Variants in PPFIBP1 observed in about 807,000 individuals in gnomAD.
The protein encoded by PPFIBP1 is liprin-beta-1.
PPFIBP1 carries 112 observed loss-of-function variants against 137.8 expected under a neutral mutation model. That is an observed-to-expected ratio of 0.81 (90% CI 0.70 to 0.95). The LOEUF (loss-of-function observed/expected upper bound fraction) is 0.95, where lower values mean the gene tolerates loss of function less well. Among genes scored for constraint, PPFIBP1 ranks in the 40% least tolerant of loss-of-function variants. The probability of loss-of-function intolerance (pLI) is 0.00; values close to 1 mark genes in which losing one functional copy is unlikely to be tolerated. For missense variants in PPFIBP1, 1,083 were observed against 1,196.6 expected, an observed-to-expected ratio of 0.91 and a Z score of 1.40; for synonymous variants, 378 against 417.3, an observed-to-expected ratio of 0.91 and a Z score of 1.15.
intron 2 of PPFIBP1, among the ~76,000 whole-genome samples, chr12:27,588,873 C>A (rs116362137): frequency 6.6e-6 from 1 of 152,106 alleles, no homozygotes; most frequent in Non-Finnish European, 1.5e-5. Context: ...TGGAATAAAG[C>A]GGAAATTGTT....
intron 2 of PPFIBP1, among the ~76,000 whole-genome samples, chr12:27,590,886 G>A (rs1157747809): frequency 2.6e-5 from 4 of 152,172 alleles, no homozygotes; most frequent in Non-Finnish European, 4.4e-5. Flanking sequence ...AGTTTGGGTA[G>A]GAGGTATATG....
chr12:27,667,112 T>C, intron 12 of PPFIBP1, 54 bp from the exon 13 acceptor site: 1 of 1,432,478 alleles, frequency 7.0e-7, no homozygotes. Context: ...CTTGTAAAAG[T>C]GAAATATAAA....
At chr12:27,645,632 A>G (rs2058422183) in intron 4 of PPFIBP1, among the ~76,000 whole-genome samples, 1 of 152,174 alleles carries the variant, frequency 6.6e-6, no homozygotes, top group East Asian at 1.9e-4. Flanking sequence ...GTTAAAATGG[A>G]GATAAGTGAG....
At chr12:27,639,879 C>G (rs2139241073) in intron 4 of PPFIBP1, among the ~76,000 whole-genome samples, 1 of 152,290 alleles carries the variant, frequency 6.6e-6, no homozygotes, top group Non-Finnish European at 1.5e-5. Context: ...TTCCTGAGTC[C>G]CTGACTCCCA....
Position 27,676,497 on chromosome 12 carries a change from A to T in PPFIBP1, c.1480A>T (p.Met494Leu), listed in dbSNP as rs1316308573. 4.4e-6 allele frequency: 7 copies of T among 1,608,214 alleles called. No individual in the cohort carries two copies. The highest frequency in any genetic ancestry group is 4.0e-5 in the African/African-American group (3 of 74,682). ...CAGGCCCCCAGGGCAGGACACCTCC[A>T]TGGATGACAACCCCTTCGGCACTCG... is the stretch of plus-strand genomic sequence containing the variant. The part of the protein sequence containing the change: ...PPRPPGQDTS[M>L]DDNPFGTRKV... Residue 494 changes from methionine (M) to leucine (L), a missense_variant, in exon 18 of 30, where the codon ATG becomes TTG. By Grantham distance (15) the Met-to-Leu change is conservative (BLOSUM62 2). Transcript: ENST00000228425.
intron 1 of PPFIBP1, among the ~76,000 whole-genome samples, chr12:27,551,250 CT>C (rs1323713521): frequency 6.6e-6 from 1 of 152,122 alleles, no homozygotes; most frequent in African/African-American, 2.4e-5. Flanking sequence ...CTAACCCAGC[CT>C]TGTGGGGGTC....
At chr12:27,630,197 A>T (rs1217019723) in intron 2 of PPFIBP1, among the ~76,000 whole-genome samples, 1 of 151,284 alleles carries the variant, frequency 6.6e-6, no homozygotes, top group Non-Finnish European at 1.5e-5. Flanking sequence ...ATCCAACCTT[A>T]TCAGTAGATT....
At position 27,646,188 on chromosome 12, in the gene PPFIBP1, C is replaced by T. The variant is rs757051793; in HGVS notation, c.357+40C>T. 5 of 1,484,896 alleles carry T rather than the reference C, an allele frequency of 3.4e-6. No homozygotes were observed. In the Admixed American group the frequency reaches 6.8e-5, roughly 20 times the overall value. 92.0% of individuals were successfully genotyped at this position (1,484,896 alleles called of 1,614,324 possible). A position where few individuals can be genotyped will look rare whatever the true frequency, so the allele number is the denominator to read the frequency against. On this transcript the variant is annotated intron_variant, in intron 5 of 29. Coordinates refer to ENST00000228425, the MANE Select transcript of PPFIBP1 (RefSeq NM_003622.4). The stretch of plus-strand genomic sequence containing the variant: ...AATACTGTTCTTTCCTTGCAGCATA[C>T]TTACAAAGCCTTTTAAATTGGGGTG...
At chr12:27,688,957 A>G (rs144014728) in intron 26 of PPFIBP1, 58 bp from the exon 27 acceptor site, 17 of 1,549,046 alleles carry the variant, frequency 1.1e-5, no homozygotes, top group African/African-American at 4.2e-5. Flanking sequence ...AAAGCACAAT[A>G]CAAACATGTA....
chr12:27,565,535 T>A (rs1165755485), intron 1 of PPFIBP1, among the ~76,000 whole-genome samples: 1 of 152,200 alleles, frequency 6.6e-6, no homozygotes, highest in Non-Finnish European at 1.5e-5. Flanking sequence ...GGGTCACTTC[T>A]TTTCCTTCCT....
At chr12:27,540,088 G>GTTTTTTATT in intron 1 of PPFIBP1, among the ~76,000 whole-genome samples, 1 of 149,256 alleles carries the variant, frequency 6.7e-6, no homozygotes. Flanking sequence ...TTAGAGACAG[G>GTTTTTTATT]GTCTTCCTCT....
At chr12:27,654,559 T>C in intron 7 of PPFIBP1, 163 bp from the exon 8 acceptor site, 1 of 850,340 alleles carries the variant, frequency 1.2e-6, no homozygotes, top group Non-Finnish European at 1.6e-6. Context: ...AAAGATGCCT[T>C]CGTTCTTAAG....
intron 15 of PPFIBP1, among the ~76,000 whole-genome samples, chr12:27,673,037 A>G (rs1371017943): frequency 6.6e-6 from 1 of 152,226 alleles, no homozygotes; most frequent in Non-Finnish European, 1.5e-5. Flanking sequence ...ACCTAAATAC[A>G]GAAGAAATGC....
chr12:27,678,871 A>AAAAAAAAAAAAAAAAAAAAAAAAAAT (rs2060699971), intron 19 of PPFIBP1, among the ~76,000 whole-genome samples: 1 of 147,572 alleles, frequency 6.8e-6, no homozygotes, highest in African/African-American at 2.6e-5. Flanking sequence ...AAAAAAAAAA[A>AAAAAAAAAAAAAAAAAAAAAAAAAAT]AAAAAAAAAA....
chr12:27,528,216 T>C lies in PPFIBP1; in HGVS notation c.-124+3851T>C, dbSNP rs543073161. ...TGTCTGCCTCAGCCTCCCAAAGTGC[T>C]GGGATTATAGGAGTGAGCCACCACG... On this transcript the variant is annotated intron_variant, in intron 1 of 29. Coordinates refer to ENST00000228425, the MANE Select transcript of PPFIBP1 (RefSeq NM_003622.4). 5.3e-5 allele frequency among the ~76,000 whole-genome samples: 8 copies of C among 152,222 alleles called. No individual in the cohort carries two copies. In the East Asian group the frequency reaches 1.5e-3, roughly 29 times the overall value.
At chr12:27,664,574 T>G in intron 12 of PPFIBP1, 128 bp downstream of exon 12, 1 of 674,614 alleles carries the variant, frequency 1.5e-6, no homozygotes, top group Non-Finnish European at 2.7e-6. Flanking sequence ...ATTCGTTAAT[T>G]GAACAATTAG....
chr12:27,674,144 A>T (rs1376601023), intron 16 of PPFIBP1, 48 bp from the exon 17 acceptor site: 1 of 1,450,012 alleles, frequency 6.9e-7, no homozygotes, highest in Admixed American at 1.9e-5. Flanking sequence ...TCAGAATTAT[A>T]CAAAGGATTT....
intron 9 of PPFIBP1, 27 bp from the exon 10 acceptor site, chr12:27,658,789 T>C: frequency 6.2e-7 from 1 of 1,603,236 alleles, no homozygotes; most frequent in Non-Finnish European, 8.5e-7. Flanking sequence ...TATGCTAACT[T>C]CCAATCCAAT....
intron 10 of PPFIBP1, among the ~76,000 whole-genome samples, chr12:27,659,497 C>G (rs112798004): frequency 0.099 from 15,086 of 151,904 alleles, 1,085 homozygotes; most frequent in African/African-American, 0.2. Flanking sequence ...CCTGTAGTCC[C>G]AGCTACTCAG....
Sources: allele counts gnomAD v4.1 joint callset (sites outside exome capture counted in the v4.1 genomes callset), GRCh38; gene constraint gnomAD v4.1.1; transcripts MANE v1.5; gene names NCBI Gene and HGNC (gene_info 2026-07-23, HGNC 2026-07-21).